CD200R1L: variants seen among roughly 807,000 people sequenced by gnomAD.
The protein encoded by CD200R1L is CD200 receptor 1 like, also known as cell surface glycoprotein CD200 receptor 2.
A neutral mutation model predicts 24.8 loss-of-function variants in CD200R1L; 14 were observed. That is an observed-to-expected ratio of 0.56 (90% confidence interval 0.37 to 0.88). The LOEUF (loss-of-function observed/expected upper bound fraction) is 0.88. Ranked by LOEUF, CD200R1L falls within the 40% of genes least tolerant of loss-of-function variation. The pLI, the probability that CD200R1L is intolerant of heterozygous loss-of-function variation, is 0.00. For missense variants in CD200R1L, 299 were observed against 297.8 expected (o/e 1.00, Z -0.03); for synonymous variants, 111 against 109.2 (o/e 1.02, Z -0.11).
rs1469920063 is a variant in CD200R1L at position 112,845,957 on chromosome 3, A to G, written c.-358-7T>C. ...GAAATGTCAGTGAGTTTTGCTGTGT[A>G]ATAAAGCAAAAAAGCCAATGCTTAC... On this transcript the variant is annotated splice_region_variant and splice_polypyrimidine_tract_variant and intron_variant, in intron 1 of 7. Transcript: ENST00000488794. 8.3e-6 allele frequency: 4 copies of G among 482,892 alleles called. No homozygotes were observed. The highest frequency in any genetic ancestry group is 3.8e-5 in the Admixed American group (1 of 26,352). The allele number at this position is 482,892 out of a possible 1,614,324, so 29.9% of individuals were successfully genotyped here. A position where few individuals can be genotyped will look rare whatever the true frequency, so the allele number is the denominator to read the frequency against.
intron 6 of CD200R1L, among the ~76,000 whole-genome samples, chr3:112,824,150 A>G (rs183753876): frequency 6.6e-6 from 1 of 152,324 alleles, no homozygotes. Flanking sequence ...CTGAGATACT[A>G]TTTGACCAAC....
At chr3:112,838,048 A>G in intron 2 of CD200R1L, 38 bp from the exon 3 acceptor site, 1 of 994,884 alleles carries the variant, frequency 1.0e-6, no homozygotes, top group East Asian at 7.1e-5. Flanking sequence ...GAGAAAATTA[A>G]GAACTTTTCT....
At position 112,823,292 on chromosome 3, in the gene CD200R1L, T is replaced by C. The variant is rs192829082; in HGVS notation, c.617-3397A>G. 1.6e-4 allele frequency among the ~76,000 whole-genome samples: 24 copies of C among 152,346 alleles called. No individual in the cohort carries two copies. The East Asian group carries it at 4.6e-3, about 29-fold the overall frequency. On this transcript the variant is annotated intron_variant, in intron 6 of 7. Coordinates refer to ENST00000488794, the MANE Select transcript of CD200R1L (RefSeq NM_001199215.3). ...TCCTTTTGATTATTTCAGGTTGACATGAGTTCTGTGAGCCATTCTAGCAAA... is the reference window on the plus strand; with the variant it reads ...TCCTTTTGATTATTTCAGGTTGACACGAGTTCTGTGAGCCATTCTAGCAAA...
At chr3:112,829,655 C>A (rs958724564) in intron 3 of CD200R1L, 1 of 518,954 alleles carries the variant, frequency 1.9e-6, no homozygotes, top group East Asian at 1.5e-4. Context: ...ATGAGGTAAC[C>A]ATGCCTCCCC....
At chr3:112,818,916 C>T (rs973902417) in intron 7 of CD200R1L, 1 of 154,062 alleles carries the variant, frequency 6.5e-6, no homozygotes, top group African/African-American at 2.4e-5. Flanking sequence ...CTTCACACTG[C>T]TGTAAAGAAT....
chr3:112,835,008 C>T (rs1395506828), intron 3 of CD200R1L, among the ~76,000 whole-genome samples: 2 of 152,366 alleles, frequency 1.3e-5, no homozygotes, highest in East Asian at 3.9e-4. Flanking sequence ...CAAAGAGCCA[C>T]AGCTCTTCTC....
intron 3 of CD200R1L, among the ~76,000 whole-genome samples, chr3:112,833,961 G>A (rs6438108): frequency 6.6e-6 from 1 of 152,140 alleles, no homozygotes; most frequent in South Asian, 2.1e-4. Flanking sequence ...AAATGGTTTG[G>A]CTTGTTTGGT....
chr3:112,827,661 TC>T lies in CD200R1L; in HGVS notation c.72del (p.Met25TrpfsTer3). 1 of 1,613,648 alleles carries T rather than the reference TC, an allele frequency of 6.2e-7. No individual in the cohort carries two copies. The highest frequency in any genetic ancestry group is 1.3e-5 in the African/African-American group (1 of 74,996). On this transcript the variant is annotated frameshift_variant, in exon 5 of 8. Transcript: ENST00000488794. LOFTEE classifies it high-confidence loss of function. The stretch of plus-strand genomic sequence containing the variant: ...CAACAAAGCACAGCATTTATATCCA[TC>T]AGTACAGGCTGTGAAATGTTACCTG... The part of the protein sequence containing the change: ...FAEGNISQPV[L>X]MDINAVLCCP...
intron 7 of CD200R1L, among the ~76,000 whole-genome samples, chr3:112,817,225 T>C (rs998064229): frequency 1.3e-5 from 2 of 151,874 alleles, no homozygotes; most frequent in African/African-American, 4.8e-5. Flanking sequence ...ATATATAGTA[T>C]ATATATAATT....
At chr3:112,826,015 A>G (rs1225343205) in intron 6 of CD200R1L, among the ~76,000 whole-genome samples, 5 of 152,212 alleles carry the variant, frequency 3.3e-5, no homozygotes, top group Admixed American at 2.0e-4. Flanking sequence ...GATTGTAGCA[A>G]TGGTCACACA....
intron 3 of CD200R1L, among the ~76,000 whole-genome samples, chr3:112,835,323 C>A (rs1938912273): frequency 6.6e-6 from 1 of 152,130 alleles, no homozygotes; most frequent in Admixed American, 6.5e-5. Context: ...TCTCTGCAGG[C>A]AGGTCATCCC....
chr3:112,817,921 G>A lies in CD200R1L; in HGVS notation c.740+1851C>T, dbSNP rs1248499995. ...CCCAGAATCATGGGGGTAGGTGAAA[G>A]TCACTTTTTACATGGTGGCAGCAAG... On this transcript the variant is annotated intron_variant, in intron 7 of 7. Transcript: ENST00000488794. 2.0e-5 allele frequency among the ~76,000 whole-genome samples: 3 copies of A among 152,196 alleles called. No individual in the cohort carries two copies. The East Asian group carries it at 5.8e-4, about 29-fold the overall frequency.
At chr3:112,828,025 A>C (rs1300675829) in intron 4 of CD200R1L, among the ~76,000 whole-genome samples, 4 of 152,198 alleles carry the variant, frequency 2.6e-5, no homozygotes, top group African/African-American at 9.7e-5. Flanking sequence ...TTAAACAACA[A>C]AGGCAATGTT....
chr3:112,821,712 G>T (rs1938541782), intron 6 of CD200R1L, among the ~76,000 whole-genome samples: 1 of 152,060 alleles, frequency 6.6e-6, no homozygotes, highest in African/African-American at 2.4e-5. Context: ...CTAAACCTTG[G>T]CAAAATGAAC....
At chr3:112,830,143 A>G (rs1938762316) in intron 3 of CD200R1L, among the ~76,000 whole-genome samples, 1 of 152,214 alleles carries the variant, frequency 6.6e-6, no homozygotes, top group African/African-American at 2.4e-5. Context: ...CAATCTTAAC[A>G]TAAAGAATAT....
Position 112,820,432 on chromosome 3 carries a change from TTTTA to T in CD200R1L, c.617-541_617-538del, listed in dbSNP as rs908338895. Among the ~76,000 whole-genome samples, 86 of 152,228 alleles carry T rather than the reference TTTTA, an allele frequency of 5.6e-4. 1 individual carries two copies. Among genetic ancestry groups the T allele is most frequent in the African/African-American group, 2.0e-3 (82 of 41,544 alleles). On this transcript the variant is annotated intron_variant, in intron 6 of 7. Coordinates refer to ENST00000488794, the MANE Select transcript of CD200R1L (RefSeq NM_001199215.3). ...AAACTAATTAGGAACATCATTCTTT[TTTTA>T]TTTTTATTTTTTGAGAGGGAGTCTT... is the stretch of plus-strand genomic sequence containing the variant.
intron 6 of CD200R1L, among the ~76,000 whole-genome samples, chr3:112,825,510 T>C (rs973577222): frequency 6.0e-5 from 9 of 151,230 alleles, no homozygotes; most frequent in African/African-American, 2.2e-4. Flanking sequence ...TATATTTTAT[T>C]TGGCACTTGG....
intron 7 of CD200R1L, among the ~76,000 whole-genome samples, chr3:112,817,033 CTT>C (rs1425716339): frequency 6.6e-6 from 1 of 152,090 alleles, no homozygotes; most frequent in Non-Finnish European, 1.5e-5. Context: ...TTGGATATGA[CTT>C]TATTAGCAGC....
intron 2 of CD200R1L, 43 bp downstream of exon 2, chr3:112,845,636 A>C (rs1369905658): frequency 6.7e-7 from 1 of 1,501,698 alleles, no homozygotes; most frequent in Non-Finnish European, 9.3e-7. Flanking sequence ...TCATTGAAAG[A>C]AAGCTTTATT....
Sources: allele counts gnomAD v4.1 joint callset (sites outside exome capture counted in the v4.1 genomes callset), GRCh38; gene constraint gnomAD v4.1.1; transcripts MANE v1.5; gene names NCBI Gene and HGNC (gene_info 2026-07-23, HGNC 2026-07-21).